Variants in CERS6 observed in about 807,000 individuals in gnomAD.
The protein encoded by CERS6 is LAG1 homolog, ceramide synthase 6.
CERS6 carries 26 observed loss-of-function variants against 56.8 expected under a neutral mutation model. The observed-to-expected ratio is 0.46, with a 90% CI of 0.34 to 0.63. CERS6 has a LOEUF of 0.63. Ranked by LOEUF, CERS6 falls within the 30% of genes least tolerant of loss-of-function variation. CERS6 has a pLI of 0.01. For missense variants in CERS6, 415 were observed against 467.5 expected (o/e 0.89, Z 1.04); for synonymous variants, 164 against 173.3 (o/e 0.95, Z 0.42).
intron 4 of CERS6, among the ~76,000 whole-genome samples, chr2:168,657,102 TC>T (rs760215089): frequency 5.9e-5 from 9 of 151,888 alleles, no homozygotes; most frequent in Non-Finnish European, 1.2e-4. Context: ...ATAAAGGTTC[TC>T]CACGTCCTCA....
chr2:168,760,740 T>TTATTTATC (rs1488062360), intron 8 of CERS6, among the ~76,000 whole-genome samples: 15 of 123,716 alleles, frequency 1.2e-4, no homozygotes, highest in African/African-American at 4.1e-4. Flanking sequence ...TACTGTTTGT[T>TTATTTATC]TATTTATTTA....
intron 8 of CERS6, among the ~76,000 whole-genome samples, chr2:168,724,672 C>T (rs1027471696): frequency 8.6e-5 from 13 of 151,470 alleles, no homozygotes; most frequent in Non-Finnish European, 1.2e-4. Context: ...TACAGAGTGT[C>T]GATTGGTGCA....
chr2:168,667,223 A>G (rs1340733446), intron 4 of CERS6, among the ~76,000 whole-genome samples: 1 of 152,264 alleles, frequency 6.6e-6, no homozygotes, highest in African/African-American at 2.4e-5. Flanking sequence ...AAAACCTTTA[A>G]GCAGGAAAAC....
intron 4 of CERS6, among the ~76,000 whole-genome samples, chr2:168,662,018 A>G (rs1277238233): frequency 1.3e-5 from 2 of 152,192 alleles, no homozygotes; most frequent in East Asian, 1.9e-4. Context: ...TCTGTGTTCT[A>G]ATAGACGGTT....
In CERS6 at chr2:168,773,991, G is replaced by A. The variant is rs995182779; in HGVS notation, c.*4329G>A. 6.6e-6 allele frequency: 1 copy of A among 152,164 alleles called. No individual in the cohort carries two copies. Among genetic ancestry groups the A allele is most frequent in the African/African-American group, 2.4e-5 (1 of 41,450 alleles). The allele number at this position is 152,164 out of a possible 1,614,324, so 9.4% of individuals were successfully genotyped here. Reference sequence around the variant, plus strand: ...TGTTTTCGTGGAGAAAATTGTATTGGAGAACTTAAAACATCACGAATATTT... The same window carrying A: ...TGTTTTCGTGGAGAAAATTGTATTGAAGAACTTAAAACATCACGAATATTT... On this transcript the variant is annotated 3_prime_UTR_variant, in exon 10 of 10. Transcript: ENST00000305747.
At chr2:168,745,434 G>A (rs989777050) in intron 8 of CERS6, among the ~76,000 whole-genome samples, 1 of 151,942 alleles carries the variant, frequency 6.6e-6, no homozygotes, top group African/African-American at 2.4e-5. Flanking sequence ...GTAGAGACGG[G>A]GTTTCACCGT....
At chr2:168,585,872 A>C (rs1683528912) in intron 3 of CERS6, among the ~76,000 whole-genome samples, 1 of 152,128 alleles carries the variant, frequency 6.6e-6, no homozygotes, top group Non-Finnish European at 1.5e-5. Context: ...TTTCAACCTG[A>C]TTTCTTTAAG....
At chr2:168,676,999 CT>C (rs59600302) in intron 4 of CERS6, among the ~76,000 whole-genome samples, 3,018 of 96,582 alleles carry the variant, frequency 0.031, 43 homozygotes, top group African/African-American at 0.052. Flanking sequence ...TTTTTTGGGG[CT>C]TTTTTTTTTT....
intron 8 of CERS6, among the ~76,000 whole-genome samples, chr2:168,752,299 G>A (rs977054204): frequency 9.3e-5 from 14 of 150,294 alleles, no homozygotes; most frequent in African/African-American, 3.5e-4. Flanking sequence ...GTGTGTGTGT[G>A]TGTGTGTGTG....
intron 4 of CERS6, among the ~76,000 whole-genome samples, chr2:168,674,959 C>CTTATTTATTTAT (rs59783108): frequency 9.0e-4 from 134 of 148,530 alleles, no homozygotes; most frequent in South Asian, 6.7e-3. Flanking sequence ...TTTACATTAC[C>CTTATTTATTTAT]TTATTTATTT....
chr2:168,518,162 A>G lies in CERS6; in HGVS notation c.171-29434A>G, dbSNP rs73969234. ...GGGCCCAAATCTGAAAGTAAGTTGTATTTTTCTTCCTCTGTGCTGTAAAAT... is the reference window on the plus strand; with the variant it reads ...GGGCCCAAATCTGAAAGTAAGTTGTGTTTTTCTTCCTCTGTGCTGTAAAAT... On this transcript the variant is annotated intron_variant, in intron 1 of 9. Transcript: ENST00000305747. 4.7e-3 allele frequency among the ~76,000 whole-genome samples: 722 copies of G among 152,272 alleles called. 5 individuals are homozygous for G. The highest frequency in any genetic ancestry group is 0.016 in the African/African-American group (679 of 41,568).
At chr2:168,598,635 G>GA (rs896020930) in intron 3 of CERS6, among the ~76,000 whole-genome samples, 3 of 151,068 alleles carry the variant, frequency 2.0e-5, no homozygotes, top group Non-Finnish European at 3.0e-5. Context: ...CAGGATTAGT[G>GA]AAAAAAAAGG....
intron 4 of CERS6, among the ~76,000 whole-genome samples, chr2:168,639,372 C>G (rs1357665199): frequency 6.6e-6 from 1 of 152,206 alleles, no homozygotes; most frequent in African/African-American, 2.4e-5. Context: ...TGCACATTCA[C>G]TCTGCATTAG....
At chr2:168,611,823 GTC>G (rs1277730538) in intron 3 of CERS6, among the ~76,000 whole-genome samples, 1 of 152,176 alleles carries the variant, frequency 6.6e-6, no homozygotes. Context: ...GCAACACAGA[GTC>G]TCTCATTTAC....
chr2:168,596,082 C>A (rs80190662), intron 3 of CERS6, among the ~76,000 whole-genome samples: 308 of 138,592 alleles, frequency 2.2e-3, no homozygotes, highest in Middle Eastern at 7.5e-3. Flanking sequence ...GACCCTGTCT[C>A]AAAAAAAAAA....
At chr2:168,593,803 A>C (rs1683732269) in intron 3 of CERS6, among the ~76,000 whole-genome samples, 1 of 152,198 alleles carries the variant, frequency 6.6e-6, no homozygotes, top group Admixed American at 6.5e-5. Flanking sequence ...TTTATCTCCT[A>C]AGTTTGCATA....
intron 2 of CERS6, among the ~76,000 whole-genome samples, chr2:168,555,722 CTG>C (rs58781728): frequency 0.22 from 30,865 of 140,668 alleles, 3,696 homozygotes; most frequent in Non-Finnish European, 0.3. Flanking sequence ...ATAATTGACT[CTG>C]TGTGTGTGTG....
intron 4 of CERS6, among the ~76,000 whole-genome samples, chr2:168,677,751 C>T (rs538518444): frequency 5.0e-4 from 76 of 152,280 alleles, no homozygotes; most frequent in Non-Finnish European, 1.0e-3. Context: ...CCCACCTCGG[C>T]CTCCCAAAGT....
At chr2:168,639,230 G>A (rs958243103) in intron 4 of CERS6, among the ~76,000 whole-genome samples, 4 of 152,170 alleles carry the variant, frequency 2.6e-5, no homozygotes, top group Admixed American at 1.3e-4. Flanking sequence ...TTTGGCCGGA[G>A]GCAGTGCCTG....
Sources: gnomAD v4.1 joint callset for allele counts (sites outside exome capture counted in the v4.1 genomes callset) on GRCh38, gnomAD v4.1.1 for gene constraint, MANE v1.5 for transcripts, NCBI Gene and HGNC (gene_info 2026-07-23, HGNC 2026-07-21) for gene names.